Variants in STAG1 observed in about 807,000 individuals in gnomAD.
STAG1 encodes STAG1 cohesin complex component.
Under a neutral mutation model 170.9 loss-of-function variants are expected in STAG1, and 26 were observed. That is an observed-to-expected ratio of 0.15 (90% CI 0.11 to 0.21). STAG1 has a LOEUF of 0.21. Among genes scored for constraint, STAG1 ranks in the 10% least tolerant of loss-of-function variants. STAG1 has a pLI of 1.00. For synonymous variants in STAG1, 514 were observed against 497.7 expected, an observed-to-expected ratio of 1.03 and a Z score of -0.44; for missense variants, 964 against 1,509.5, an observed-to-expected ratio of 0.64 and a Z score of 5.99.
intron 23 of STAG1, among the ~76,000 whole-genome samples, chr3:136,371,267 A>T (rs996951165): frequency 2.6e-5 from 4 of 152,140 alleles, no homozygotes; most frequent in Non-Finnish European, 5.9e-5. Flanking sequence ...CCTTTGTCAG[A>T]TAAGTAGGTT....
intron 1 of STAG1, among the ~76,000 whole-genome samples, chr3:136,696,914 C>G (rs1370341829): frequency 6.6e-6 from 1 of 152,126 alleles, no homozygotes; most frequent in Non-Finnish European, 1.5e-5. Flanking sequence ...AATGTTAAAA[C>G]TCTTCTATAT....
At chr3:136,543,675 G>C (rs922530804) in intron 5 of STAG1, among the ~76,000 whole-genome samples, 4 of 152,132 alleles carry the variant, frequency 2.6e-5, no homozygotes, top group Non-Finnish European at 4.4e-5. Flanking sequence ...ATGAAACTAG[G>C]ATTTCTAATC....
chr3:136,725,392 G>C (rs537813508), intron 1 of STAG1, among the ~76,000 whole-genome samples: 1 of 152,150 alleles, frequency 6.6e-6, no homozygotes, highest in South Asian at 2.1e-4. Flanking sequence ...AACATTGCTG[G>C]TTCCATGCAT....
At chr3:136,425,545 C>T (rs2088091860) in intron 16 of STAG1, among the ~76,000 whole-genome samples, 1 of 151,784 alleles carries the variant, frequency 6.6e-6, no homozygotes, top group Admixed American at 6.6e-5. Context: ...ATGGTTTTGA[C>T]TTTTTAACTA....
intron 21 of STAG1, among the ~76,000 whole-genome samples, chr3:136,403,222 C>CT (rs2087382016): frequency 2.7e-5 from 1 of 37,498 alleles, no homozygotes; most frequent in African/African-American, 1.4e-4. Context: ...GTGAGACTGT[C>CT]TTAAAAAAAA....
rs139154264 is a variant in STAG1 at position 136,712,946 on chromosome 3, C to T, written c.-84+39249G>A. Among the ~76,000 whole-genome samples the T allele has an allele frequency of 1.2e-3, 185 of 152,224 alleles. 1 individual carries two copies. The highest frequency in any genetic ancestry group is 4.1e-3 in the African/African-American group (170 of 41,530). ...TCTCTACGAAAAATACAAAAATTAG[C>T]CAGGCACAGTGGCGGGTGCCTGTCA... On this transcript the variant is annotated intron_variant, in intron 1 of 33. Coordinates refer to ENST00000383202, the MANE Select transcript of STAG1 (RefSeq NM_005862.3).
At chr3:136,566,785 T>C (rs933269828) in intron 5 of STAG1, among the ~76,000 whole-genome samples, 2 of 152,138 alleles carry the variant, frequency 1.3e-5, no homozygotes, top group Non-Finnish European at 2.9e-5. Flanking sequence ...AAGGTATACA[T>C]AAAATTACTC....
chr3:136,700,123 T>C (rs902413794), intron 1 of STAG1, among the ~76,000 whole-genome samples: 2 of 150,704 alleles, frequency 1.3e-5, no homozygotes, highest in Non-Finnish European at 2.9e-5. Context: ...ACAACATGCC[T>C]ATAATGTGAC....
chr3:136,518,818 A>C (rs1371768744), intron 7 of STAG1, among the ~76,000 whole-genome samples: 1 of 152,166 alleles, frequency 6.6e-6, no homozygotes, highest in Non-Finnish European at 1.5e-5. Context: ...TAATATAAAA[A>C]GAACACAGGT....
At chr3:136,356,405 G>C (rs1936655732) in intron 28 of STAG1, among the ~76,000 whole-genome samples, 1 of 151,878 alleles carries the variant, frequency 6.6e-6, no homozygotes, top group Non-Finnish European at 1.5e-5. Context: ...ATTGACACAG[G>C]CTCCCCAGGC....
At chr3:136,566,372 C>T (rs1937077562) in intron 5 of STAG1, among the ~76,000 whole-genome samples, 1 of 152,136 alleles carries the variant, frequency 6.6e-6, no homozygotes, top group South Asian at 2.1e-4. Context: ...GATATTGAGA[C>T]CCTGATCTCA....
chr3:136,580,441 T>C (rs953652823), intron 4 of STAG1, among the ~76,000 whole-genome samples: 5 of 151,898 alleles, frequency 3.3e-5, no homozygotes, highest in African/African-American at 1.2e-4. Context: ...AAAAGGTGGC[T>C]ATTATATGGT....
At chr3:136,678,819 C>A in intron 1 of STAG1, among the ~76,000 whole-genome samples, 1 of 119,946 alleles carries the variant, frequency 8.3e-6, no homozygotes, top group African/African-American at 3.3e-5. Context: ...TTGAGACCAG[C>A]ATGGACAACA....
intron 1 of STAG1, among the ~76,000 whole-genome samples, chr3:136,695,736 A>G (rs1165857424): frequency 1.3e-5 from 2 of 152,174 alleles, no homozygotes; most frequent in African/African-American, 2.4e-5. Context: ...TCCCTCAAAA[A>G]TTAAATCCAA....
intron 30 of STAG1, among the ~76,000 whole-genome samples, chr3:136,341,877 T>C (rs1935985620): frequency 6.6e-6 from 1 of 152,170 alleles, no homozygotes; most frequent in African/African-American, 2.4e-5. Context: ...CTAACAGAAA[T>C]TATGTTGGCT....
intron 1 of STAG1, among the ~76,000 whole-genome samples, chr3:136,727,934 G>A (rs1933782360): frequency 6.6e-6 from 1 of 152,090 alleles, no homozygotes; most frequent in Admixed American, 6.5e-5. Context: ...GAGACGGGTA[G>A]ATCACCTGAG....
intron 15 of STAG1, among the ~76,000 whole-genome samples, chr3:136,441,422 A>AT (rs1261318358): frequency 6.6e-6 from 1 of 152,240 alleles, no homozygotes; most frequent in East Asian, 1.9e-4. Context: ...CAAATATAGC[A>AT]TAATAAGCTC....
chr3:136,403,994 T>C (rs1038675015), intron 21 of STAG1, among the ~76,000 whole-genome samples: 4 of 152,220 alleles, frequency 2.6e-5, no homozygotes, highest in African/African-American at 9.6e-5. Context: ...TCTATAACAA[T>C]ATAGCTTATC....
intron 21 of STAG1, among the ~76,000 whole-genome samples, chr3:136,401,044 T>C (rs937920146): frequency 6.6e-6 from 1 of 152,202 alleles, no homozygotes; most frequent in African/African-American, 2.4e-5. Context: ...TAATAACCTC[T>C]GTAGACAACA....
Sources: gnomAD v4.1 joint callset for allele counts (sites outside exome capture counted in the v4.1 genomes callset) on GRCh38, gnomAD v4.1.1 for gene constraint, MANE v1.5 for transcripts, NCBI Gene and HGNC (gene_info 2026-07-23, HGNC 2026-07-21) for gene names.